Variants in PRRX2 observed in about 807,000 individuals in gnomAD.
The protein encoded by PRRX2 is paired related homeobox 2.
A neutral mutation model predicts 18.0 loss-of-function variants in PRRX2; 11 were observed. The ratio of observed to expected loss-of-function variants is 0.61; its 90% CI spans 0.39 to 1.01. The LOEUF (loss-of-function observed/expected upper bound fraction) is 1.01. Among genes scored for constraint, PRRX2 ranks in the 50% least tolerant of loss-of-function variants. The pLI, the probability that PRRX2 is intolerant of heterozygous loss-of-function variation, is 0.01. For missense variants in PRRX2, 387 were observed against 351.0 expected (o/e 1.10, Z -0.82); for synonymous variants, 177 against 154.8 (o/e 1.14, Z -1.06).
chr9:129,665,994 C>T lies in PRRX2; in HGVS notation c.127C>T (p.Leu43Phe), dbSNP rs1042449148. The change falls in exon 1 of 4, where the codon CTC becomes TTC. Residue 43 changes from leucine to phenylalanine, a missense_variant. Physicochemically the swap from Leu to Phe is conservative, Grantham distance 22. Coordinates refer to ENST00000372469, the MANE Select transcript of PRRX2 (RefSeq NM_016307.4). The surrounding 1 kb of genome is among the most constrained non-coding windows in gnomAD (Gnocchi z 5.3). ...GCGCAAGAACTTCTCGGTGAGCCAC[C>T]TCCTGGACCTGGAAGAGGTGGCGGC... is the stretch of plus-strand genomic sequence containing the variant. ...QARKNFSVSH[L>F]LDLEEVAAAG... 4 of 1,110,942 alleles carry T rather than the reference C, an allele frequency of 3.6e-6. No individual in the cohort carries two copies. The African/African-American group carries it at 6.8e-5, about 19-fold the overall frequency. The allele number at this position is 1,110,942 out of a possible 1,614,324, so 68.8% of individuals were successfully genotyped here. A position where few individuals can be genotyped will look rare whatever the true frequency, so the allele number is the denominator to read the frequency against.
intron 1 of PRRX2, among the ~76,000 whole-genome samples, chr9:129,696,546 A>G (rs946011498): frequency 1.3e-5 from 2 of 152,234 alleles, no homozygotes; most frequent in African/African-American, 4.8e-5. Flanking sequence ...GCTGCACTCC[A>G]GCCTGCGCCA....
At chr9:129,686,059 G>A (rs1340537800) in intron 1 of PRRX2, among the ~76,000 whole-genome samples, 2 of 152,234 alleles carry the variant, frequency 1.3e-5, no homozygotes, top group Non-Finnish European at 2.9e-5. Flanking sequence ...GGAACTGCAT[G>A]TGCAAAGACT....
Position 129,671,989 on chromosome 9 carries a change from G to A in PRRX2, c.259+5863G>A, listed in dbSNP as rs1383945535. Among the ~76,000 whole-genome samples the A allele has an allele frequency of 2.6e-5, 4 of 152,130 alleles. No individual in the cohort carries two copies. The highest frequency in any genetic ancestry group is 2.1e-4 in the South Asian group (1 of 4,828). ...AACGGGCTCTGTGCCTATGTTAGGCGTTTCTGAGTAGGTGGGGGCAGGAAG... is the reference window on the plus strand; with the variant it reads ...AACGGGCTCTGTGCCTATGTTAGGCATTTCTGAGTAGGTGGGGGCAGGAAG... On this transcript the variant is annotated intron_variant, in intron 1 of 3. Coordinates refer to ENST00000372469, the MANE Select transcript of PRRX2 (RefSeq NM_016307.4). This position sits in a 1 kb window ranked among gnomAD's most constrained non-coding sequence, Gnocchi z 4.0.
At chr9:129,678,395 CAG>C (rs1480927113) in intron 1 of PRRX2, among the ~76,000 whole-genome samples, 1 of 152,190 alleles carries the variant, frequency 6.6e-6, no homozygotes, top group Non-Finnish European at 1.5e-5. Flanking sequence ...TGGCCAGGCA[CAG>C]GGGCCCCTGC....
chr9:129,683,096 A>G (rs1184779717), intron 1 of PRRX2, among the ~76,000 whole-genome samples: 3 of 151,094 alleles, frequency 2.0e-5, no homozygotes, highest in Non-Finnish European at 1.5e-5. Flanking sequence ...TGAGAGTGAG[A>G]CTCTGTCTAA....
chr9:129,685,281 G>A (rs528940298), intron 1 of PRRX2, among the ~76,000 whole-genome samples: 3 of 152,368 alleles, frequency 2.0e-5, no homozygotes, highest in East Asian at 1.9e-4. Flanking sequence ...GCAAGTATGC[G>A]GAGCCAAAAG....
chr9:129,722,177 C>T, intron 3 of PRRX2, 40 bp from the exon 4 acceptor site: 1 of 1,597,816 alleles, frequency 6.3e-7, no homozygotes, highest in Non-Finnish European at 8.5e-7. Context: ...ACCCAGAAGC[C>T]AACCGCACCC....
intron 1 of PRRX2, among the ~76,000 whole-genome samples, chr9:129,684,421 AG>A (rs1272277142): frequency 2.3e-5 from 2 of 86,754 alleles, no homozygotes; most frequent in Non-Finnish European, 5.0e-5. Context: ...AGACACACAC[AG>A]ATACAACACA....
chr9:129,670,323 A>G lies in PRRX2; in HGVS notation c.259+4197A>G, dbSNP rs116068527. Among the ~76,000 whole-genome samples, 622 of 151,754 alleles carry G rather than the reference A, an allele frequency of 4.1e-3. 4 individuals carry two copies. The highest frequency in any genetic ancestry group is 0.014 in the African/African-American group (589 of 41,364). On this transcript the variant is annotated intron_variant, in intron 1 of 3. Transcript: ENST00000372469. ...AAGTCCCTGCTTTTAATGATTTGGG[A>G]TATCTAGTCAGTGTTGGAATGGCTG...
At chr9:129,681,933 G>T (rs1466596864) in intron 1 of PRRX2, among the ~76,000 whole-genome samples, 4 of 152,148 alleles carry the variant, frequency 2.6e-5, no homozygotes, top group African/African-American at 9.7e-5. Flanking sequence ...TATTCAAAAT[G>T]GGGAACCACA....
intron 1 of PRRX2, among the ~76,000 whole-genome samples, chr9:129,692,248 C>T (rs1330950414): frequency 1.3e-5 from 2 of 152,054 alleles, no homozygotes; most frequent in African/African-American, 4.8e-5. Context: ...CCACGCCTGG[C>T]CTAGACTTTA....
At position 129,719,218 on chromosome 9, in the gene PRRX2, C is replaced by G. The variant is rs371032092; in HGVS notation, c.260-13C>G. On this transcript the variant is annotated splice_polypyrimidine_tract_variant and intron_variant, in intron 1 of 3. Coordinates refer to ENST00000372469, the MANE Select transcript of PRRX2 (RefSeq NM_016307.4). ...CCGTCCTGCTGACCATCCCGCCCCCCCAACCTCCGCAGGTGAGTGTCCCAG... is the reference window on the plus strand; with the variant it reads ...CCGTCCTGCTGACCATCCCGCCCCCGCAACCTCCGCAGGTGAGTGTCCCAG... 94 of 1,558,138 alleles carry G rather than the reference C, an allele frequency of 6.0e-5. No individual in the cohort carries two copies. The East Asian group carries it at 7.8e-4, about 13-fold the overall frequency.
chr9:129,718,168 A>G (rs1588177059), intron 1 of PRRX2, among the ~76,000 whole-genome samples: 1 of 149,818 alleles, frequency 6.7e-6, no homozygotes, highest in South Asian at 2.1e-4. Flanking sequence ...CTAGTTCTGT[A>G]CCACAGGCCA....
rs567094799 is a variant in PRRX2, at chr9:129,711,442, G to A, written c.260-7789G>A. On this transcript the variant is annotated intron_variant, in intron 1 of 3. Transcript: ENST00000372469. The stretch of plus-strand genomic sequence containing the variant: ...TTTTTTTGAGACAGAGTCTTGCTTC[G>A]TTGCCCAGGCTGGAGTGCAGTGACA... Among the ~76,000 whole-genome samples the A allele has an allele frequency of 2.1e-4, 26 of 121,340 alleles. No individual in the cohort carries two copies. The South Asian group carries it at 6.6e-3, about 31-fold the overall frequency. 79.6% of individuals were successfully genotyped at this position (121,340 alleles called of 152,430 possible).
At chr9:129,693,329 C>A (rs917347021) in intron 1 of PRRX2, among the ~76,000 whole-genome samples, 1 of 152,170 alleles carries the variant, frequency 6.6e-6, no homozygotes, top group Non-Finnish European at 1.5e-5. Flanking sequence ...TGCGGTGGCT[C>A]ACACCTGTAA....
At chr9:129,693,503 A>G (rs1211618265) in intron 1 of PRRX2, among the ~76,000 whole-genome samples, 2 of 151,898 alleles carry the variant, frequency 1.3e-5, no homozygotes, top group Non-Finnish European at 2.9e-5. Context: ...CTGAGGCTGG[A>G]GAATCACTTG....
chr9:129,667,258 G>C lies in PRRX2; in HGVS notation c.259+1132G>C, dbSNP rs142729831. ...ACTGGCCACTGGCTGCACCCTCCGG[G>C]GTGAGTGTGAAGCCAGCAGACCTCC... On this transcript the variant is annotated intron_variant, in intron 1 of 3. Transcript: ENST00000372469. Among the ~76,000 whole-genome samples the C allele has an allele frequency of 7.8e-3, 1,181 of 152,336 alleles. 6 individuals are homozygous for C. The highest frequency in any genetic ancestry group is 0.019 in the South Asian group (92 of 4,832).
intron 1 of PRRX2, among the ~76,000 whole-genome samples, chr9:129,714,867 G>T (rs1055237979): frequency 1.3e-5 from 2 of 152,166 alleles, no homozygotes; most frequent in African/African-American, 2.4e-5. Context: ...CTGCCTGAAG[G>T]GGGGTGGAAA....
rs1370498348 is a variant in PRRX2 at position 129,709,430 on chromosome 9, G to A, written c.260-9801G>A. On this transcript the variant is annotated intron_variant, in intron 1 of 3. Transcript: ENST00000372469. The surrounding 1 kb of genome is among the most constrained non-coding windows in gnomAD (Gnocchi z 4.2). ...ACTCCAGGGTCATCCTGAGCCTGCGGAGGCCACACTAGCCACCATTCTTGC... is the reference window on the plus strand; with the variant it reads ...ACTCCAGGGTCATCCTGAGCCTGCGAAGGCCACACTAGCCACCATTCTTGC... 6.6e-6 allele frequency among the ~76,000 whole-genome samples: 1 copy of A among 152,156 alleles called. No individual in the cohort carries two copies. Among genetic ancestry groups the A allele is most frequent in the Non-Finnish European group, 1.5e-5 (1 of 68,044 alleles).
Sources: allele counts gnomAD v4.1 joint callset (sites outside exome capture counted in the v4.1 genomes callset), GRCh38; gene constraint gnomAD v4.1.1; non-coding constraint Gnocchi (gnomAD v3.1); transcripts MANE v1.5; gene names NCBI Gene and HGNC (gene_info 2026-07-23, HGNC 2026-07-21).